Variants in TNS1 observed in about 807,000 individuals in gnomAD.
The protein encoded by TNS1 is tensin 1.
TNS1 carries 62 observed loss-of-function variants against 168.6 expected under a neutral mutation model. The ratio of observed to expected loss-of-function variants is 0.37; its 90% CI spans 0.30 to 0.45. The LOEUF (loss-of-function observed/expected upper bound fraction) is 0.45. Among genes scored for constraint, TNS1 ranks in the 20% least tolerant of loss-of-function variants. TNS1 has a pLI of 1.00. For missense variants in TNS1, 2,240 were observed against 2,339.4 expected (o/e 0.96, Z 0.88); for synonymous variants, 934 against 933.2 (o/e 1.00, Z -0.02).
In TNS1 at chr2:217,844,715, A is replaced by G. The variant is rs1946413903; in HGVS notation, c.3007+2795T>C. On this transcript the variant is annotated intron_variant, in intron 19 of 32. Transcript: ENST00000682258. The stretch of plus-strand genomic sequence containing the variant: ...CTTATCTCTCTTATTACAAAAGACT[A>G]TTTTAAAGTTCCAGTTCTTTTTTCC... 5.9e-5 allele frequency among the ~76,000 whole-genome samples: 9 copies of G among 152,304 alleles called. No homozygotes were observed. The South Asian group carries it at 1.9e-3, about 32-fold the overall frequency.
chr2:217,884,655 C>T (rs758910523), intron 16 of TNS1, among the ~76,000 whole-genome samples: 9 of 151,852 alleles, frequency 5.9e-5, no homozygotes, highest in South Asian at 2.1e-4. Context: ...TTTGTATCCC[C>T]GGCACTTGGT....
intron 1 of TNS1, among the ~76,000 whole-genome samples, chr2:218,026,388 T>C (rs1004359441): frequency 6.6e-6 from 1 of 150,926 alleles, no homozygotes; most frequent in African/African-American, 2.4e-5. Context: ...TCCCGAGGAG[T>C]GGACGAGACA....
chr2:217,957,986 C>G (rs1294399063), intron 3 of TNS1, among the ~76,000 whole-genome samples: 1 of 139,606 alleles, frequency 7.2e-6, no homozygotes, highest in African/African-American at 2.8e-5. Flanking sequence ...GGTTTTAAAT[C>G]TCCCATAATA....
In TNS1 at chr2:217,848,872, C is replaced by G; in HGVS notation, c.1645G>C (p.Gly549Arg). 1 of 1,613,880 alleles carries G rather than the reference C, an allele frequency of 6.2e-7. No homozygotes were observed. Residue 549 changes from glycine to arginine, a missense_variant, in exon 19 of 33, where the codon GGG (glycine) becomes CGG (arginine). Physicochemically the swap from Gly to Arg is moderately radical, Grantham distance 125. This residue lies in a region of TNS1 where 2,131 missense variants were observed against 2,171.2 expected (regional missense o/e 0.98). Coordinates refer to ENST00000682258, the MANE Select transcript of TNS1 (RefSeq NM_001387777.1). ...KTDKTDEPVP[G>R]ASSATAALSP... ...AAGGCAGCAGTGGCACTGGAGGCCC[C>G]GGGGACAGGCTCGTCGGTCTTGTCG...
chr2:217,925,830 A>G (rs939031107), intron 3 of TNS1, among the ~76,000 whole-genome samples: 1 of 151,140 alleles, frequency 6.6e-6, no homozygotes, highest in Non-Finnish European at 1.5e-5. Context: ...CCTCTAATCT[A>G]CTCTCTTTCT....
chr2:217,859,662 C>T (rs1305413903), intron 18 of TNS1: 1 of 1,536,408 alleles, frequency 6.5e-7, no homozygotes, highest in Non-Finnish European at 8.7e-7. Context: ...ACCTGAGATG[C>T]TTCCAATTGA....
intron 4 of TNS1, among the ~76,000 whole-genome samples, chr2:217,910,721 C>T (rs1052987739): frequency 7.2e-5 from 10 of 139,028 alleles, no homozygotes; most frequent in Non-Finnish European, 1.2e-4. Flanking sequence ...CATACACACA[C>T]ACACACACAC....
At chr2:217,946,112 C>G (rs1428868143) in intron 3 of TNS1, among the ~76,000 whole-genome samples, 1 of 152,210 alleles carries the variant, frequency 6.6e-6, no homozygotes, top group African/African-American at 2.4e-5. Flanking sequence ...AACCTTGTCT[C>G]CTTCCATCCT....
Position 217,880,765 on chromosome 2 carries a change from G to A in TNS1, c.1429+133C>T, listed in dbSNP as rs1011592895. 2.6e-5 allele frequency: 18 copies of A among 694,554 alleles called. No individual in the cohort carries two copies. The highest frequency in any genetic ancestry group is 3.8e-5 in the Non-Finnish European group (15 of 389,930). The allele number at this position is 694,554 out of a possible 1,614,324, so 43.0% of individuals were successfully genotyped here. ...TTCCCCCAGTTAACGGTGAGCTCTC[G>A]GAGGTACCTCACACTTCCCCTCTGC... On this transcript the variant is annotated intron_variant, in intron 18 of 32. Transcript: ENST00000682258. The surrounding 1 kb of genome is among the most constrained non-coding windows in gnomAD (Gnocchi z 4.2).
chr2:217,936,036 G>A (rs1045943755), intron 3 of TNS1, among the ~76,000 whole-genome samples: 2 of 152,146 alleles, frequency 1.3e-5, no homozygotes, highest in Non-Finnish European at 2.9e-5. Context: ...GACCACCTGC[G>A]ACATGCCAGG....
intron 3 of TNS1, 95 bp downstream of exon 3, chr2:217,978,670 C>G (rs1428609722): frequency 6.1e-6 from 4 of 653,206 alleles, no homozygotes; most frequent in African/African-American, 1.8e-5. Flanking sequence ...GCCCCGGGCA[C>G]CGCCCCCGCC....
At chr2:217,997,007 C>G (rs977783185) in intron 1 of TNS1, among the ~76,000 whole-genome samples, 3 of 151,978 alleles carry the variant, frequency 2.0e-5, no homozygotes, top group Non-Finnish European at 4.4e-5. Flanking sequence ...TCTCCAGCCA[C>G]CCGCCACCCC....
intron 28 of TNS1, 139 bp from the exon 29 acceptor site, chr2:217,810,458 G>C: frequency 4.0e-6 from 3 of 749,458 alleles, no homozygotes; most frequent in Admixed American, 2.2e-5. Flanking sequence ...TCAGCCCTGA[G>C]TTAGGCTCAG....
chr2:217,964,923 A>G (rs1575143146), intron 3 of TNS1, among the ~76,000 whole-genome samples: 2 of 152,296 alleles, frequency 1.3e-5, no homozygotes, highest in African/African-American at 4.8e-5. Flanking sequence ...TGCCCGCTGC[A>G]AGGGGCATTG....
chr2:217,946,689 C>T (rs140365194), intron 3 of TNS1, among the ~76,000 whole-genome samples: 15 of 152,196 alleles, frequency 9.9e-5, no homozygotes, highest in Non-Finnish European at 2.2e-4. Flanking sequence ...CCTCCTCCAG[C>T]CACTCTCAGG....
intron 3 of TNS1, among the ~76,000 whole-genome samples, chr2:217,976,817 T>C (rs1462102602): frequency 6.6e-6 from 1 of 152,116 alleles, no homozygotes; most frequent in Non-Finnish European, 1.5e-5. Flanking sequence ...CCTAAATATA[T>C]CCTGCTGCTG....
intron 9 of TNS1, 140 bp from the exon 10 acceptor site, chr2:217,893,701 G>T: frequency 8.1e-7 from 1 of 1,234,398 alleles, no homozygotes. Context: ...GTTCCTCCCT[G>T]CCCACTGGCC....
chr2:218,022,654 G>C (rs1049150518), intron 1 of TNS1, among the ~76,000 whole-genome samples: 3 of 151,956 alleles, frequency 2.0e-5, no homozygotes, highest in African/African-American at 4.8e-5. Flanking sequence ...GAGATAAATG[G>C]GGGGAGGGGC....
At chr2:217,907,522 C>T (rs956660521) in intron 4 of TNS1, among the ~76,000 whole-genome samples, 5 of 152,238 alleles carry the variant, frequency 3.3e-5, no homozygotes, top group African/African-American at 1.2e-4. Context: ...GCCTCTGGTT[C>T]ATACAGTTGC....
Sources: allele counts gnomAD v4.1 joint callset (sites outside exome capture counted in the v4.1 genomes callset), GRCh38; gene constraint gnomAD v4.1.1; regional missense constraint gnomAD v4.1.1; non-coding constraint Gnocchi (gnomAD v3.1); transcripts MANE v1.5; gene names NCBI Gene and HGNC (gene_info 2026-07-23, HGNC 2026-07-21).